The following PSMA1 variants were observed in gnomAD, a reference collection of about 807,000 sequenced individuals.
PSMA1 encodes the protein proteasome subunit alpha type-1.
Under a neutral mutation model 38.4 loss-of-function variants are expected in PSMA1, and 3 were observed. That is an observed-to-expected ratio of 0.08 (90% CI 0.04 to 0.20). PSMA1 has a LOEUF of 0.20. PSMA1 is among the 10% of genes least tolerant of loss of function. The pLI, the probability that PSMA1 is intolerant of heterozygous loss-of-function variation, is 1.00. For synonymous variants in PSMA1, 101 were observed against 107.1 expected, an observed-to-expected ratio of 0.94 and a Z score of 0.35; for missense variants, 227 against 325.3, an observed-to-expected ratio of 0.70 and a Z score of 2.32.
chr11:14,562,922 T>C (rs1469731168), intron 2 of PSMA1, among the ~76,000 whole-genome samples: 2 of 152,158 alleles, frequency 1.3e-5, no homozygotes, highest in Non-Finnish European at 2.9e-5. Flanking sequence ...TTTATAAAAC[T>C]CTTAATGCCC....
intron 2 of PSMA1, among the ~76,000 whole-genome samples, chr11:14,573,345 A>G (rs1823315076): frequency 1.3e-5 from 2 of 152,224 alleles, no homozygotes; most frequent in Admixed American, 1.3e-4. Flanking sequence ...CTGGGATGTA[A>G]GGCTGGCTCA....
intron 7 of PSMA1, among the ~76,000 whole-genome samples, chr11:14,512,155 G>A (rs1236544110): frequency 5.3e-5 from 8 of 152,116 alleles, no homozygotes; most frequent in East Asian, 1.9e-4. Context: ...TGGGCGGATC[G>A]CCTGAGGTCG....
At chr11:14,617,365 A>C (rs1168785913) in intron 1 of PSMA1, among the ~76,000 whole-genome samples, 13 of 152,098 alleles carry the variant, frequency 8.5e-5, no homozygotes, top group Non-Finnish European at 1.8e-4. Context: ...ATTGTACTAT[A>C]ATCATTTGCT....
intron 2 of PSMA1, among the ~76,000 whole-genome samples, chr11:14,547,607 G>A (rs542255918): frequency 6.6e-6 from 1 of 152,178 alleles, no homozygotes; most frequent in Non-Finnish European, 1.5e-5. Context: ...GCCAAAGCAA[G>A]GTCATGGGGT....
At chr11:14,515,555 CTT>C (rs779183596) in intron 4 of PSMA1, among the ~76,000 whole-genome samples, 10 of 135,880 alleles carry the variant, frequency 7.4e-5, no homozygotes, top group Non-Finnish European at 9.7e-5. Context: ...AATTGAAATT[CTT>C]TTTTTTTTTT....
chr11:14,554,450 T>G (rs1459467374), intron 2 of PSMA1, among the ~76,000 whole-genome samples: 1 of 152,232 alleles, frequency 6.6e-6, no homozygotes, highest in Non-Finnish European at 1.5e-5. Context: ...TGTGACATTT[T>G]ACTTTTAAAT....
chr11:14,638,258 G>A (rs764356070), intron 1 of PSMA1, among the ~76,000 whole-genome samples: 13 of 151,990 alleles, frequency 8.6e-5, no homozygotes, highest in Non-Finnish European at 1.9e-4. Context: ...GCTGCTGTGC[G>A]CAGCTTAGTA....
chr11:14,546,190 T>C (rs558872965), intron 2 of PSMA1, among the ~76,000 whole-genome samples: 24 of 150,932 alleles, frequency 1.6e-4, no homozygotes, highest in Admixed American at 4.6e-4. Context: ...GTGGAAGAGA[T>C]AGAGTTTTTA....
chr11:14,609,931 G>T (rs1852690532), intron 2 of PSMA1, among the ~76,000 whole-genome samples: 1 of 152,200 alleles, frequency 6.6e-6, no homozygotes. Flanking sequence ...GGAAACTGTT[G>T]CAATAATCTA....
At chr11:14,611,425 G>T (rs776855880) in intron 1 of PSMA1, among the ~76,000 whole-genome samples, 1 of 152,102 alleles carries the variant, frequency 6.6e-6, no homozygotes, top group East Asian at 1.9e-4. Context: ...TATAGCAAAA[G>T]AATTGAAAAA....
chr11:14,622,857 A>G (rs1852865160), intron 1 of PSMA1, among the ~76,000 whole-genome samples: 1 of 152,208 alleles, frequency 6.6e-6, no homozygotes, highest in African/African-American at 2.4e-5. Context: ...TCTTACGGCA[A>G]GTATCATTGG....
At chr11:14,545,893 G>T (rs1307283995) in intron 2 of PSMA1, among the ~76,000 whole-genome samples, 1 of 152,182 alleles carries the variant, frequency 6.6e-6, no homozygotes, top group Non-Finnish European at 1.5e-5. Flanking sequence ...AGAGGTGAAA[G>T]ATAGGGCAGA....
chr11:14,629,870 A>G (rs1361617130), intron 1 of PSMA1, among the ~76,000 whole-genome samples: 2 of 152,068 alleles, frequency 1.3e-5, no homozygotes, highest in Non-Finnish European at 2.9e-5. Flanking sequence ...GTTCTTCTTG[A>G]AGAGGTCCTT....
At chr11:14,538,244 T>C (rs1212678885) in intron 2 of PSMA1, among the ~76,000 whole-genome samples, 1 of 152,214 alleles carries the variant, frequency 6.6e-6, no homozygotes, top group East Asian at 1.9e-4. Flanking sequence ...TCCAACCTTC[T>C]TTGCCAAAAA....
At chr11:14,592,394 A>ATATT (rs1353768420) in intron 2 of PSMA1, among the ~76,000 whole-genome samples, 1,465 of 137,896 alleles carry the variant, frequency 0.011, 9 homozygotes, top group East Asian at 0.03. Context: ...ATATATATAT[A>ATATT]TTTTTTTTTT....
Position 14,505,057 on chromosome 11 carries a change from AC to A in PSMA1, c.*134del. On this transcript the variant is annotated 3_prime_UTR_variant, in exon 10 of 10. Coordinates refer to ENST00000396394, the MANE Select transcript of PSMA1 (RefSeq NM_002786.4). ...CAGTGAGGTTGCTTGGAAAAAACTC[AC>A]ATCTGGACTGATTCCTAAAACATAG... is the stretch of plus-strand genomic sequence containing the variant. 1.3e-6 allele frequency: 1 copy of A among 779,310 alleles called. No individual in the cohort carries two copies. The highest frequency in any genetic ancestry group is 2.2e-6 in the Non-Finnish European group (1 of 457,528). 48.3% of individuals were successfully genotyped at this position (779,310 alleles called of 1,614,324 possible). A position where few individuals can be genotyped will look rare whatever the true frequency, so the allele number is the denominator to read the frequency against.
chr11:14,641,563 G>T (rs1036882813), intron 1 of PSMA1, among the ~76,000 whole-genome samples: 3 of 152,188 alleles, frequency 2.0e-5, no homozygotes, highest in African/African-American at 7.2e-5. Flanking sequence ...GGCCTTCAGA[G>T]GGATGCACTC....
chr11:14,590,672 C>T (rs1852402241), intron 2 of PSMA1, among the ~76,000 whole-genome samples: 2 of 152,220 alleles, frequency 1.3e-5, no homozygotes, highest in African/African-American at 4.8e-5. Context: ...GATCATCAGT[C>T]TGATCCACTC....
At chr11:14,558,131 A>G (rs1345547818) in intron 2 of PSMA1, among the ~76,000 whole-genome samples, 1 of 150,568 alleles carries the variant, frequency 6.6e-6, no homozygotes, top group Non-Finnish European at 1.5e-5. Context: ...GTCACAATCT[A>G]CCTTGGCATG....
Sources: gnomAD v4.1 joint callset for allele counts (sites outside exome capture counted in the v4.1 genomes callset) on GRCh38, gnomAD v4.1.1 for gene constraint, MANE v1.5 for transcripts, NCBI Gene and HGNC (gene_info 2026-07-23, HGNC 2026-07-21) for gene names.